SEC16B: variants seen among roughly 807,000 people sequenced by gnomAD.
SEC16B encodes protein transport protein Sec16B.
In SEC16B, 115 loss-of-function variants were observed where a neutral mutation model predicts 141.8. The observed-to-expected ratio is 0.81, with a 90% CI of 0.70 to 0.95. SEC16B has a LOEUF of 0.95. SEC16B is among the 40% of genes least tolerant of loss of function. The pLI is 0.00. For missense variants in SEC16B, 1,291 were observed against 1,312.3 expected (o/e 0.98, Z 0.25); for synonymous variants, 493 against 492.5 (o/e 1.00, Z -0.01).
At chr1:177,930,250 T>C (rs535012172) in intron 25 of SEC16B, among the ~76,000 whole-genome samples, 3 of 152,264 alleles carry the variant, frequency 2.0e-5, no homozygotes, top group East Asian at 1.9e-4. Flanking sequence ...CCCACACTAC[T>C]GATACCAACA....
rs2101979140 is a variant in SEC16B, at chr1:177,960,081, G to A, written c.998+261C>T. 1.7e-5 allele frequency: 8 copies of A among 457,356 alleles called. No individual in the cohort carries two copies. In the South Asian group the frequency reaches 3.2e-4, roughly 18 times the overall value. The allele number at this position is 457,356 out of a possible 1,614,324, so 28.3% of individuals were successfully genotyped here. ...ACGGAATGCTAAAACTTCCAACCAT[G>A]CAGCCTCTGCATAATGGAACTGGTT... On this transcript the variant is annotated intron_variant, in intron 8 of 25. Coordinates refer to ENST00000308284, the MANE Select transcript of SEC16B (RefSeq NM_033127.4).
At chr1:177,941,217 A>C (rs1332360144) in intron 16 of SEC16B, among the ~76,000 whole-genome samples, 1 of 152,200 alleles carries the variant, frequency 6.6e-6, no homozygotes, top group Non-Finnish European at 1.5e-5. Flanking sequence ...CTAATAATTC[A>C]TTCTGGATCC....
At chr1:177,977,441 AT>A (rs1405270311) in intron 1 of SEC16B, among the ~76,000 whole-genome samples, 9 of 152,178 alleles carry the variant, frequency 5.9e-5, no homozygotes, top group Admixed American at 5.2e-4. Flanking sequence ...AAAATATCAT[AT>A]TATATAAGAT....
intron 10 of SEC16B, among the ~76,000 whole-genome samples, chr1:177,956,386 G>A (rs1009110545): frequency 6.6e-6 from 1 of 151,954 alleles, no homozygotes; most frequent in Non-Finnish European, 1.5e-5. Context: ...GTTTTCTGAG[G>A]TATTTTGTAA....
At chr1:177,960,590 A>T (rs1652979595) in intron 7 of SEC16B, 187 bp from the exon 8 acceptor site, 2 of 695,038 alleles carry the variant, frequency 2.9e-6, no homozygotes, top group African/African-American at 1.8e-5. Flanking sequence ...GAAAAACACA[A>T]CTGTAGCATC....
chr1:177,967,857 T>C lies in SEC16B; in HGVS notation c.125A>G (p.Asn42Ser), dbSNP rs1263445389. Residue 42 changes from asparagine to serine, a missense_variant, in exon 2 of 26, where the codon AAT (asparagine) becomes AGT (serine). Coordinates refer to ENST00000308284, the MANE Select transcript of SEC16B (RefSeq NM_033127.4). Reference protein sequence around the residue: ...HHRPVPHSWHNGERFHQWQDN... With the variant: ...HHRPVPHSWHSGERFHQWQDN... ...TTGCCATTGGTGAAACCTCTCTCCA[T>C]TGTGCCAAGAGTGAGGGACAGGCCG... is the stretch of plus-strand genomic sequence containing the variant. The C allele has an allele frequency of 1.9e-6, 3 of 1,613,866 alleles. No homozygotes were observed. Among genetic ancestry groups the C allele is most frequent in the Non-Finnish European group, 2.5e-6 (3 of 1,179,890 alleles).
At chr1:177,951,808 A>T (rs1652208002) in intron 12 of SEC16B, 106 bp downstream of exon 12, 1 of 836,122 alleles carries the variant, frequency 1.2e-6, no homozygotes, top group African/African-American at 1.7e-5. Context: ...CATTAATATT[A>T]TCATCACTTT....
At chr1:177,983,885 C>T (rs1201890735) in intron 1 of SEC16B, among the ~76,000 whole-genome samples, 2 of 152,212 alleles carry the variant, frequency 1.3e-5, no homozygotes, top group African/African-American at 2.4e-5. Flanking sequence ...GTTGAAATCA[C>T]GTGTTCTTTT....
chr1:177,958,302 A>G lies in SEC16B; in HGVS notation c.1195T>C (p.Tyr399His). ...LMQDCKKLEKYKRQPPVANLI... is the reference protein window; with the variant it reads ...LMQDCKKLEKHKRQPPVANLI... ...TTGGCCACAGGGGGCTGCCGCTTGT[A>G]CTTCTCCAGCTTCTTGCAGTCTTGC... The change falls in exon 10 of 26, where the codon TAC becomes CAC. Residue 399 changes from tyrosine (Y) to histidine (H), a missense_variant. Physicochemically the swap from Tyr to His is moderately conservative, Grantham distance 83. This residue lies in a region of SEC16B where 681 missense variants were observed against 675.5 expected (regional missense o/e 1.01). Transcript: ENST00000308284. 10 of 1,609,848 alleles carry G rather than the reference A, an allele frequency of 6.2e-6. No homozygotes were observed. Among genetic ancestry groups the G allele is most frequent in the Non-Finnish European group, 8.5e-6 (10 of 1,178,054 alleles).
intron 12 of SEC16B, chr1:177,948,306 G>A: frequency 1.6e-6 from 2 of 1,266,102 alleles, no homozygotes; most frequent in Non-Finnish European, 2.1e-6. Context: ...GGAGAAGGAA[G>A]ATCAAACATC....
In SEC16B at chr1:177,933,643, T is replaced by A; in HGVS notation, c.2572-7A>T. On this transcript the variant is annotated splice_region_variant and splice_polypyrimidine_tract_variant and intron_variant, in intron 20 of 25. Coordinates refer to ENST00000308284, the MANE Select transcript of SEC16B (RefSeq NM_033127.4). Reference sequence around the variant, plus strand: ...GTCTAGCAGCCAATGGTGTCTGGAATTAAAGAAATAACTCACATTTGCATG... The same window carrying A: ...GTCTAGCAGCCAATGGTGTCTGGAAATAAAGAAATAACTCACATTTGCATG... 6.2e-7 allele frequency: 1 copy of A among 1,613,736 alleles called. No individual in the cohort carries two copies. Among genetic ancestry groups the A allele is most frequent in the Non-Finnish European group, 8.5e-7 (1 of 1,179,752 alleles).
In SEC16B at chr1:177,932,697, C is replaced by T; in HGVS notation, c.2932+1G>A. On this transcript the variant is annotated splice_donor_variant, in intron 23 of 25. Transcript: ENST00000308284. LOFTEE classifies it high-confidence loss of function. ...GCCCAGAGGACGTGAGGTGACGGTACCTCTGCCCCTGGAGAAGGCACTAAC... is the reference window on the plus strand; with the variant it reads ...GCCCAGAGGACGTGAGGTGACGGTATCTCTGCCCCTGGAGAAGGCACTAAC... The T allele has an allele frequency of 1.9e-6, 3 of 1,580,822 alleles. No individual in the cohort carries two copies. Among genetic ancestry groups the T allele is most frequent in the African/African-American group, 1.3e-5 (1 of 74,426 alleles).
chr1:177,961,704 G>A lies in SEC16B; in HGVS notation c.673C>T (p.Gln225Ter), dbSNP rs1571343218. 1 of 1,613,880 alleles carries A rather than the reference G, an allele frequency of 6.2e-7. No homozygotes were observed. The change falls in exon 6 of 26, where the codon CAG (glutamine) becomes TAG (stop). Residue 225 changes from glutamine to a stop codon, truncating the protein, a stop_gained. Coordinates refer to ENST00000308284, the MANE Select transcript of SEC16B (RefSeq NM_033127.4). LOFTEE classifies it high-confidence loss of function. ...GAGCTGAGACCAGACTCACGCTGCTGGAGAAGGTTGGACTCACTAGCCAAT... is the reference window on the plus strand; with the variant it reads ...GAGCTGAGACCAGACTCACGCTGCTAGAGAAGGTTGGACTCACTAGCCAAT... ...PSLASESNLL[Q>*]QRESGLSSSS...
chr1:177,944,472 G>A (rs1651518014), intron 15 of SEC16B, 89 bp downstream of exon 15: 8 of 956,618 alleles, frequency 8.4e-6, no homozygotes, highest in Non-Finnish European at 1.3e-5. Flanking sequence ...CTTAGCCCCA[G>A]GTACTAAGTG....
At position 177,965,234 on chromosome 1, in the gene SEC16B, ATTAGTGAG is replaced by A. The variant is rs566722903; in HGVS notation, c.413-75_413-68del. On this transcript the variant is annotated intron_variant, in intron 3 of 25. Transcript: ENST00000308284. ...TGTTTCTGAAAGTTCTTAGAAAGAT[ATTAGTGAG>A]CTGTGAGGAGCTCCTGGAGCACAGT... 540 of 1,581,776 alleles carry A rather than the reference ATTAGTGAG, an allele frequency of 3.4e-4. 9 individuals are homozygous for A. In the South Asian group the frequency reaches 5.5e-3, roughly 16 times the overall value.
intron 5 of SEC16B, among the ~76,000 whole-genome samples, chr1:177,963,495 C>T (rs932414290): frequency 1.3e-5 from 2 of 151,726 alleles, no homozygotes; most frequent in South Asian, 2.1e-4. Flanking sequence ...CCCAGCTACT[C>T]GGGAGGCTGA....
At chr1:177,965,868 A>G in intron 3 of SEC16B, 25 bp downstream of exon 3, 1 of 1,448,636 alleles carries the variant, frequency 6.9e-7, no homozygotes, top group Non-Finnish European at 9.5e-7. Context: ...CAAATCCCAG[A>G]GGCTTCTTGG....
intron 2 of SEC16B, among the ~76,000 whole-genome samples, chr1:177,967,344 G>T (rs143569684): frequency 6.6e-6 from 1 of 152,116 alleles, no homozygotes; most frequent in African/African-American, 2.4e-5. Context: ...CTACATAAAT[G>T]AACTTTTGCA....
At position 177,965,150 on chromosome 1, in the gene SEC16B, G is replaced by A; in HGVS notation, c.430C>T (p.Pro144Ser). 6.2e-7 allele frequency: 1 copy of A among 1,613,398 alleles called. No individual in the cohort carries two copies. The highest frequency in any genetic ancestry group is 1.1e-5 in the South Asian group (1 of 90,928). Residue 144 changes from proline (P) to serine (S), a missense_variant, in exon 4 of 26, where the codon CCT becomes TCT. By Grantham distance (74) the Pro-to-Ser change is moderately conservative (BLOSUM62 -1). Coordinates refer to ENST00000308284, the MANE Select transcript of SEC16B (RefSeq NM_033127.4). ...CGGTAATCTTCGTGCCAGATATAAG[G>A]ACTCCGTTGCCTTGGCACTGCACCC... ...QEERVPRQRS[P>S]YIWHEDYREQ...
Sources: gnomAD v4.1 joint callset for allele counts (sites outside exome capture counted in the v4.1 genomes callset) on GRCh38, gnomAD v4.1.1 for gene constraint, gnomAD v4.1.1 regional missense constraint, MANE v1.5 for transcripts, NCBI Gene and HGNC (gene_info 2026-07-23, HGNC 2026-07-21) for gene names.